The following ADAM23 variants were observed in gnomAD, a reference collection of about 807,000 sequenced individuals.
ADAM23 encodes the protein disintegrin and metalloproteinase domain-containing protein 23.
ADAM23 carries 33 observed loss-of-function variants against 120.1 expected under a neutral mutation model. The observed-to-expected ratio is 0.27, with a 90% CI of 0.21 to 0.37. The LOEUF is 0.37. ADAM23 is among the 10% of genes least tolerant of loss of function. The probability of loss-of-function intolerance (pLI) is 1.00; values close to 1 mark genes in which losing one functional copy is unlikely to be tolerated. For synonymous variants in ADAM23, 367 were observed against 375.2 expected (o/e 0.98, Z 0.25); for missense variants, 862 against 1,058.2 (o/e 0.81, Z 2.57).
At chr2:206,489,460 CTA>C (rs1696084140) in intron 3 of ADAM23, among the ~76,000 whole-genome samples, 3 of 152,106 alleles carry the variant, frequency 2.0e-5, no homozygotes, top group Non-Finnish European at 4.4e-5. Context: ...TTAGAGGAGA[CTA>C]TGTGAACATT....
At chr2:206,574,155 G>A (rs1359772597) in intron 18 of ADAM23, among the ~76,000 whole-genome samples, 1 of 152,174 alleles carries the variant, frequency 6.6e-6, no homozygotes, top group African/African-American at 2.4e-5. Flanking sequence ...CACTTCTGCA[G>A]TGTTAACAAC....
rs188044531 is a variant in ADAM23, at chr2:206,453,088, G to A, written c.432+7564G>A. On this transcript the variant is annotated intron_variant, in intron 2 of 25. Transcript: ENST00000264377. ...CAGGGAGAGGATGTAAAAGTCTCTT[G>A]AGAAGAACTGCTGCTTTCCTTCTTA... Among the ~76,000 whole-genome samples the A allele has an allele frequency of 1.4e-4, 21 of 152,320 alleles. No homozygotes were observed. The Middle Eastern group carries it at 0.01, about 74-fold the overall frequency.
chr2:206,535,866 A>G (rs1697161457), intron 4 of ADAM23, among the ~76,000 whole-genome samples: 1 of 152,172 alleles, frequency 6.6e-6, no homozygotes, highest in Non-Finnish European at 1.5e-5. Context: ...TTCTGAGGTG[A>G]TGAGACTATT....
intron 3 of ADAM23, among the ~76,000 whole-genome samples, chr2:206,482,280 T>C (rs1695913543): frequency 2.6e-5 from 4 of 152,210 alleles, no homozygotes; most frequent in African/African-American, 9.6e-5. Flanking sequence ...CAGAATTGCC[T>C]ATGTAAAGGT....
At chr2:206,532,502 G>A (rs1047661853) in intron 4 of ADAM23, among the ~76,000 whole-genome samples, 1 of 151,998 alleles carries the variant, frequency 6.6e-6, no homozygotes, top group Admixed American at 6.5e-5. Flanking sequence ...GTTTGTTTTT[G>A]TGTTCACTGC....
At chr2:206,496,360 C>T (rs1199251438) in intron 3 of ADAM23, among the ~76,000 whole-genome samples, 1 of 152,146 alleles carries the variant, frequency 6.6e-6, no homozygotes, top group African/African-American at 2.4e-5. Context: ...CTCAAAACCG[C>T]TCAACTACAT....
chr2:206,530,846 C>A, intron 3 of ADAM23, 39 bp from the exon 4 acceptor site: 1 of 1,584,240 alleles, frequency 6.3e-7, no homozygotes, highest in South Asian at 1.1e-5. Flanking sequence ...CTCCAAGTGT[C>A]TTAGATGCAG....
At chr2:206,553,933 T>C (rs983803222) in intron 9 of ADAM23, among the ~76,000 whole-genome samples, 2 of 151,990 alleles carry the variant, frequency 1.3e-5, no homozygotes, top group African/African-American at 4.8e-5. Flanking sequence ...TCTAATCTTA[T>C]TTTTTTTCAA....
At chr2:206,444,921 C>A (rs1695046223) in intron 1 of ADAM23, among the ~76,000 whole-genome samples, 2 of 152,130 alleles carry the variant, frequency 1.3e-5, no homozygotes, top group African/African-American at 4.8e-5. Context: ...TCTGTGGACT[C>A]AGAGAAGGGG....
intron 3 of ADAM23, among the ~76,000 whole-genome samples, chr2:206,489,015 T>C (rs1338697012): frequency 6.6e-6 from 1 of 152,202 alleles, no homozygotes; most frequent in Non-Finnish European, 1.5e-5. Context: ...TTTGGCTAAA[T>C]GTTTTTTTCA....
At chr2:206,575,332 G>A (rs1046182143) in intron 18 of ADAM23, among the ~76,000 whole-genome samples, 6 of 152,142 alleles carry the variant, frequency 3.9e-5, no homozygotes, top group Non-Finnish European at 8.8e-5. Context: ...TATTTTAAAA[G>A]CATTTCCCCA....
chr2:206,596,204 G>A lies in ADAM23; in HGVS notation c.2359+42G>A, dbSNP rs775126935. On this transcript the variant is annotated intron_variant, in intron 24 of 25. Coordinates refer to ENST00000264377, the MANE Select transcript of ADAM23 (RefSeq NM_003812.4). ...TTTCAATTCATGGAATACTGAATTC[G>A]TTGACACTGTTCCAATGCACCAGTA... 1.6e-5 allele frequency: 23 copies of A among 1,431,150 alleles called. No homozygotes were observed. In the Middle Eastern group the frequency reaches 7.0e-4, roughly 43 times the overall value. The allele number at this position is 1,431,150 out of a possible 1,614,324, so 88.7% of individuals were successfully genotyped here. A position where few individuals can be genotyped will look rare whatever the true frequency, so the allele number is the denominator to read the frequency against.
intron 16 of ADAM23, 116 bp from the exon 17 acceptor site, chr2:206,571,611 A>G (rs1026880881): frequency 5.2e-5 from 33 of 634,174 alleles, no homozygotes; most frequent in Non-Finnish European, 1.7e-5. Context: ...TTCCCAGAAT[A>G]TTTGCTTACT....
chr2:206,542,019 A>G, intron 4 of ADAM23, 33 bp from the exon 5 acceptor site: 1 of 1,608,996 alleles, frequency 6.2e-7, no homozygotes, highest in Non-Finnish European at 8.5e-7. Context: ...ATAATGCATA[A>G]AATACAACCA....
Position 206,596,093 on chromosome 2 carries a change from G to T in ADAM23, c.2290G>T (p.Ala764Ser), listed in dbSNP as rs776346906. The T allele has an allele frequency of 5.6e-6, 9 of 1,613,946 alleles. No homozygotes were observed. Among genetic ancestry groups the T allele is most frequent in the East Asian group, 2.2e-5 (1 of 44,868 alleles). The change falls in exon 24 of 26, where the codon GCA (alanine) becomes TCA (serine). Residue 764 changes from alanine (A) to serine (S), a missense_variant. Coordinates refer to ENST00000264377, the MANE Select transcript of ADAM23 (RefSeq NM_003812.4). ...EATCICDFTW[A>S]GTDCSIRDPV... ...CACCTGCATTTGTGATTTCACCTGG[G>T]CAGGGACAGATTGCAGTATCCGGGA... is the stretch of plus-strand genomic sequence containing the variant.
intron 18 of ADAM23, among the ~76,000 whole-genome samples, chr2:206,578,229 G>A (rs1437447606): frequency 6.6e-6 from 1 of 151,840 alleles, no homozygotes; most frequent in Non-Finnish European, 1.5e-5. Context: ...TAAGTGTTTG[G>A]GGTACAGGTG....
At chr2:206,496,553 A>C (rs1368923092) in intron 3 of ADAM23, among the ~76,000 whole-genome samples, 1 of 152,236 alleles carries the variant, frequency 6.6e-6, no homozygotes, top group Non-Finnish European at 1.5e-5. Flanking sequence ...AAAGCAGGAA[A>C]GATCTAAAAT....
chr2:206,581,885 CT>C (rs977928735), intron 18 of ADAM23, among the ~76,000 whole-genome samples: 1 of 150,582 alleles, frequency 6.6e-6, no homozygotes, highest in Non-Finnish European at 1.5e-5. Context: ...TCCTTCCTTT[CT>C]TTTTTTTTGA....
intron 13 of ADAM23, among the ~76,000 whole-genome samples, chr2:206,562,757 G>A (rs574752604): frequency 1.3e-5 from 2 of 152,324 alleles, no homozygotes; most frequent in African/African-American, 4.8e-5. Context: ...TGGAGAAAAA[G>A]GCTTTGCAAG....
Sources: allele counts gnomAD v4.1 joint callset (sites outside exome capture counted in the v4.1 genomes callset), GRCh38; gene constraint gnomAD v4.1.1; transcripts MANE v1.5; gene names NCBI Gene and HGNC (gene_info 2026-07-23, HGNC 2026-07-21).